Variants in SLC12A8 observed in about 807,000 individuals in gnomAD.
SLC12A8 encodes cation-chloride cotransporter 9.
In SLC12A8, 69 loss-of-function variants were observed where a neutral mutation model predicts 75.6. The observed-to-expected ratio is 0.91, with a 90% CI of 0.75 to 1.11. SLC12A8 has a LOEUF of 1.11. SLC12A8 is among the 50% of genes most tolerant of loss of function. SLC12A8 has a pLI of 0.00. For synonymous variants in SLC12A8, 365 were observed against 372.8 expected, an observed-to-expected ratio of 0.98 and a Z score of 0.24; for missense variants, 877 against 896.7, an observed-to-expected ratio of 0.98 and a Z score of 0.28.
At chr3:125,135,065 G>T (rs1384948232) in intron 6 of SLC12A8, among the ~76,000 whole-genome samples, 1 of 152,218 alleles carries the variant, frequency 6.6e-6, no homozygotes, top group Non-Finnish European at 1.5e-5. Context: ...CAGGGACCTT[G>T]GCTGTGGGAG....
intron 13 of SLC12A8, chr3:125,087,976 A>G (rs974493743): frequency 2.8e-5 from 7 of 250,754 alleles, no homozygotes; most frequent in African/African-American, 1.3e-4. Flanking sequence ...GTGATTATGC[A>G]TTGATGTGAA....
chr3:125,085,738 G>A (rs748605071), intron 13 of SLC12A8, among the ~76,000 whole-genome samples: 40 of 151,842 alleles, frequency 2.6e-4, no homozygotes, highest in African/African-American at 7.0e-4. Context: ...CACCACACCC[G>A]GCTAACTTTT....
At chr3:125,158,231 T>C (rs919028419) in intron 5 of SLC12A8, among the ~76,000 whole-genome samples, 1 of 151,998 alleles carries the variant, frequency 6.6e-6, no homozygotes, top group African/African-American at 2.4e-5. Context: ...TTTTTTTTTT[T>C]CTTTTTTGAG....
At chr3:125,158,203 T>C (rs1579512764) in intron 5 of SLC12A8, among the ~76,000 whole-genome samples, 1 of 152,046 alleles carries the variant, frequency 6.6e-6, no homozygotes, top group East Asian at 1.9e-4. Flanking sequence ...TAAGCCCCAA[T>C]GTCAAATTAG....
At chr3:125,137,965 T>A (rs1435942340) in intron 5 of SLC12A8, among the ~76,000 whole-genome samples, 2 of 151,984 alleles carry the variant, frequency 1.3e-5, no homozygotes, top group African/African-American at 4.8e-5. Flanking sequence ...ACTCACACGC[T>A]CACACTCACA....
chr3:125,148,162 G>A (rs1034056943), intron 5 of SLC12A8, among the ~76,000 whole-genome samples: 2 of 152,186 alleles, frequency 1.3e-5, no homozygotes, highest in African/African-American at 4.8e-5. Flanking sequence ...TATATGTGAT[G>A]CAATCTTTCA....
intron 2 of SLC12A8, 122 bp from the exon 3 acceptor site, chr3:125,190,643 GC>G: frequency 8.7e-7 from 1 of 1,150,850 alleles, no homozygotes; most frequent in Non-Finnish European, 1.3e-6. Context: ...GTCTTATTGT[GC>G]CAGGGCAAGT....
chr3:125,178,093 A>G, intron 4 of SLC12A8, 119 bp from the exon 5 acceptor site: 1 of 824,690 alleles, frequency 1.2e-6, no homozygotes, highest in Non-Finnish European at 2.0e-6. Flanking sequence ...GCACCAAGGC[A>G]CAGTGCCTGG....
chr3:125,167,558 G>A (rs1934316516), intron 5 of SLC12A8, among the ~76,000 whole-genome samples: 1 of 152,128 alleles, frequency 6.6e-6, no homozygotes, highest in African/African-American at 2.4e-5. Flanking sequence ...CCTTGGGCCT[G>A]GCAGCCATGC....
chr3:125,149,514 T>C (rs1025075753), intron 5 of SLC12A8, among the ~76,000 whole-genome samples: 1 of 152,054 alleles, frequency 6.6e-6, no homozygotes, highest in African/African-American at 2.4e-5. Flanking sequence ...ATCCAAACAA[T>C]CAAGGAACAA....
intron 7 of SLC12A8, chr3:125,119,848 T>C: frequency 2.2e-6 from 1 of 456,748 alleles, no homozygotes; most frequent in Non-Finnish European, 4.4e-6. Flanking sequence ...TCTGATCTCT[T>C]TGCCTCTTCA....
chr3:125,168,992 GA>G (rs762531993), intron 5 of SLC12A8, among the ~76,000 whole-genome samples: 25 of 152,208 alleles, frequency 1.6e-4, no homozygotes, highest in Non-Finnish European at 3.1e-4. Flanking sequence ...CTCTGGAGTG[GA>G]ACCCTGTAGA....
At chr3:125,108,194 T>G (rs1321292278) in intron 9 of SLC12A8, 68 bp from the exon 10 acceptor site, 2 of 1,487,028 alleles carry the variant, frequency 1.3e-6, no homozygotes, top group East Asian at 4.5e-5. Context: ...ATTTCAGAAG[T>G]TACAGGCTAG....
intron 5 of SLC12A8, chr3:125,151,111 G>T (rs970069142): frequency 6.6e-6 from 1 of 152,150 alleles, no homozygotes; most frequent in African/African-American, 2.4e-5. Flanking sequence ...AAACTAAAGT[G>T]CCCTTATAAT....
intron 5 of SLC12A8, among the ~76,000 whole-genome samples, chr3:125,154,223 A>T (rs1265978409): frequency 6.6e-6 from 1 of 152,204 alleles, no homozygotes; most frequent in African/African-American, 2.4e-5. Flanking sequence ...AGCTTCGCAA[A>T]CTGCATTTTC....
intron 2 of SLC12A8, among the ~76,000 whole-genome samples, chr3:125,209,768 C>CCCTGGG (rs1935300611): frequency 6.6e-6 from 1 of 152,232 alleles, no homozygotes; most frequent in Non-Finnish European, 1.5e-5. Flanking sequence ...AGGGCCCTGG[C>CCCTGGG]GGCCAAGATG....
At chr3:125,189,572 G>A (rs79885949) in intron 3 of SLC12A8, among the ~76,000 whole-genome samples, 2,810 of 152,332 alleles carry the variant, frequency 0.018, 43 homozygotes, top group East Asian at 0.054. Context: ...CTCATAGGGC[G>A]GGGCGGGGAA....
intron 10 of SLC12A8, among the ~76,000 whole-genome samples, chr3:125,094,538 C>T (rs1199225008): frequency 2.0e-5 from 3 of 152,194 alleles, no homozygotes; most frequent in Non-Finnish European, 4.4e-5. Context: ...GCCCATCCCT[C>T]CACTTGTGCC....
chr3:125,141,021 A>G (rs537749), intron 5 of SLC12A8, among the ~76,000 whole-genome samples: 23,519 of 152,110 alleles, frequency 0.15, 2,112 homozygotes, highest in South Asian at 0.3. Context: ...TCAACTCTCG[A>G]AGGCCTGGGA....
Sources: gnomAD v4.1 joint callset for allele counts (sites outside exome capture counted in the v4.1 genomes callset) on GRCh38, gnomAD v4.1.1 for gene constraint, MANE v1.5 for transcripts, NCBI Gene and HGNC (gene_info 2026-07-23, HGNC 2026-07-21) for gene names.